The following OLFM3 variants were observed in gnomAD, a reference collection of about 807,000 sequenced individuals.
The protein encoded by OLFM3 is olfactomedin 3.
In OLFM3, 20 loss-of-function variants were observed where a neutral mutation model predicts 48.6. The observed-to-expected ratio is 0.41, with a 90% CI of 0.29 to 0.60. The LOEUF (loss-of-function observed/expected upper bound fraction) is 0.60, where lower values mean the gene tolerates loss of function less well. Among genes scored for constraint, OLFM3 ranks in the 20% least tolerant of loss-of-function variants. OLFM3 has a pLI of 0.28. For missense variants in OLFM3, 437 were observed against 544.3 expected (o/e 0.80, Z 1.96); for synonymous variants, 222 against 198.1 (o/e 1.12, Z -1.01).
rs371325730 is a variant in OLFM3, at chr1:101,812,586, G to T, written c.593-6404C>A. On this transcript the variant is annotated intron_variant, in intron 4 of 5. Coordinates refer to ENST00000370103, the MANE Select transcript of OLFM3 (RefSeq NM_058170.4). ...ATCATACCATGAGCCTTATCTAATC[G>T]ACATTTCCAAACAACCCACAGCACA... is the stretch of plus-strand genomic sequence containing the variant. 8.1e-6 allele frequency: 8 copies of T among 985,274 alleles called. No individual in the cohort carries two copies. The African/African-American group carries it at 1.4e-4, about 17-fold the overall frequency. 61.0% of individuals were successfully genotyped at this position (985,274 alleles called of 1,614,324 possible). A position where few individuals can be genotyped will look rare whatever the true frequency, so the allele number is the denominator to read the frequency against.
chr1:101,821,151 G>T (rs577571773), intron 4 of OLFM3, among the ~76,000 whole-genome samples: 35 of 152,088 alleles, frequency 2.3e-4, no homozygotes, highest in South Asian at 1.2e-3. Flanking sequence ...GGATAATTGG[G>T]TATTTGTTTA....
At chr1:101,910,984 GTTAT>G (rs1228337369) in intron 1 of OLFM3, among the ~76,000 whole-genome samples, 2 of 152,112 alleles carry the variant, frequency 1.3e-5, no homozygotes, top group Non-Finnish European at 2.9e-5. Flanking sequence ...AGTTATTAGA[GTTAT>G]TTAGCATTGT....
intron 4 of OLFM3, 72 bp from the exon 5 acceptor site, chr1:101,806,254 A>C: frequency 1.8e-6 from 2 of 1,116,384 alleles, no homozygotes; most frequent in Admixed American, 1.7e-5. Flanking sequence ...TCACACTAAG[A>C]GCAAAGAAGG....
At chr1:101,936,440 A>C (rs535092797) in intron 1 of OLFM3, among the ~76,000 whole-genome samples, 1 of 152,298 alleles carries the variant, frequency 6.6e-6, no homozygotes, top group Admixed American at 6.5e-5. Context: ...GAGAATTACA[A>C]AGCCCTGCTC....
intron 1 of OLFM3, 69 bp downstream of exon 1, chr1:101,996,679 T>A: frequency 1.3e-6 from 2 of 1,508,222 alleles, no homozygotes; most frequent in South Asian, 1.1e-5. Flanking sequence ...ACATATTTAT[T>A]TGCATTTCTG....
intron 1 of OLFM3, among the ~76,000 whole-genome samples, chr1:101,961,679 G>A (rs17487814): frequency 0.22 from 32,725 of 152,048 alleles, 4,180 homozygotes; most frequent in Middle Eastern, 0.32. Flanking sequence ...AGCGAGGAGA[G>A]ACTATGCATT....
intron 1 of OLFM3, among the ~76,000 whole-genome samples, chr1:101,995,360 TA>T (rs1452233441): frequency 6.6e-6 from 1 of 152,000 alleles, no homozygotes; most frequent in African/African-American, 2.4e-5. Flanking sequence ...AAATTAAATA[TA>T]AAAACAAAAT....
chr1:101,881,584 A>C (rs1176968838), intron 1 of OLFM3, among the ~76,000 whole-genome samples: 1 of 151,890 alleles, frequency 6.6e-6, no homozygotes, highest in Non-Finnish European at 1.5e-5. Context: ...ATAAGGAGTA[A>C]GCCACCTTTT....
chr1:101,971,794 G>A (rs1660812895), intron 1 of OLFM3, among the ~76,000 whole-genome samples: 2 of 152,112 alleles, frequency 1.3e-5, no homozygotes, highest in Admixed American at 1.3e-4. Context: ...GTTGTTAGGA[G>A]TATGGGGACT....
intron 1 of OLFM3, among the ~76,000 whole-genome samples, chr1:101,932,088 T>C (rs1013766708): frequency 1.2e-4 from 18 of 152,218 alleles, no homozygotes; most frequent in Admixed American, 1.1e-3. Context: ...GAGTGTGATT[T>C]TTTCCCCCTG....
At chr1:101,908,181 T>G (rs988894049) in intron 1 of OLFM3, among the ~76,000 whole-genome samples, 1 of 152,192 alleles carries the variant, frequency 6.6e-6, no homozygotes, top group Non-Finnish European at 1.5e-5. Context: ...TTTACAGATG[T>G]GAGAAATGAG....
chr1:101,899,983 A>G (rs1658338542), intron 1 of OLFM3, among the ~76,000 whole-genome samples: 1 of 152,138 alleles, frequency 6.6e-6, no homozygotes, highest in African/African-American at 2.4e-5. Flanking sequence ...TTATTACCCT[A>G]GAATTATAGG....
intron 1 of OLFM3, among the ~76,000 whole-genome samples, chr1:101,874,319 T>C (rs1657207824): frequency 6.6e-6 from 1 of 151,850 alleles, no homozygotes; most frequent in East Asian, 1.9e-4. Context: ...AATTGAACAT[T>C]GTCCCCATCA....
At chr1:101,958,431 C>T (rs1274589920) in intron 1 of OLFM3, among the ~76,000 whole-genome samples, 1 of 152,000 alleles carries the variant, frequency 6.6e-6, no homozygotes, top group South Asian at 2.1e-4. Flanking sequence ...ATGTCTAATG[C>T]TATTCCCAAT....
At position 101,880,919 on chromosome 1, in the gene OLFM3, G is replaced by A. The variant is rs544953647; in HGVS notation, c.70-43894C>T. On this transcript the variant is annotated intron_variant, in intron 1 of 5. Coordinates refer to ENST00000370103, the MANE Select transcript of OLFM3 (RefSeq NM_058170.4). The stretch of plus-strand genomic sequence containing the variant: ...GAAATGGCAAGTCTTTAGGACAGGC[G>A]AGACCCTGTATGCATAGTACCAAAG... 9.2e-5 allele frequency among the ~76,000 whole-genome samples: 14 copies of A among 151,878 alleles called. No homozygotes were observed. In the South Asian group the frequency reaches 1.5e-3, roughly 16 times the overall value.
intron 1 of OLFM3, among the ~76,000 whole-genome samples, chr1:101,961,461 GAT>G (rs771032395): frequency 6.6e-6 from 1 of 151,834 alleles, no homozygotes; most frequent in Non-Finnish European, 1.5e-5. Flanking sequence ...AAAGAGTAGA[GAT>G]ATTTTTTATT....
At chr1:101,812,707 T>A (rs1654127968) in intron 4 of OLFM3, 1 of 986,818 alleles carries the variant, frequency 1.0e-6, no homozygotes, top group Non-Finnish European at 1.2e-6. Flanking sequence ...CTTAGGTTGT[T>A]TCGGCCAAAA....
chr1:101,931,780 A>C (rs1474734286), intron 1 of OLFM3, among the ~76,000 whole-genome samples: 2 of 152,182 alleles, frequency 1.3e-5, no homozygotes, highest in Non-Finnish European at 2.9e-5. Flanking sequence ...CTGGCAATCC[A>C]CTGGGGTAAC....
chr1:101,832,018 T>G (rs1044234622), intron 2 of OLFM3, among the ~76,000 whole-genome samples: 2 of 152,136 alleles, frequency 1.3e-5, no homozygotes, highest in African/African-American at 4.8e-5. Context: ...TTCTCCTGTC[T>G]CAGTCTCCTG....
Sources: allele counts gnomAD v4.1 joint callset (sites outside exome capture counted in the v4.1 genomes callset), GRCh38; gene constraint gnomAD v4.1.1; transcripts MANE v1.5; gene names NCBI Gene and HGNC (gene_info 2026-07-23, HGNC 2026-07-21).